Variants in SKP2 observed in about 807,000 individuals in gnomAD.
SKP2 encodes the protein S-phase kinase associated protein 2.
In SKP2, 16 loss-of-function variants were observed where a neutral mutation model predicts 51.8. The ratio of observed to expected loss-of-function variants is 0.31; its 90% CI spans 0.21 to 0.47. The LOEUF (loss-of-function observed/expected upper bound fraction) is 0.47. Among genes scored for constraint, SKP2 ranks in the 20% least tolerant of loss-of-function variants. The pLI is 1.00. For synonymous variants in SKP2, 176 were observed against 198.6 expected, an observed-to-expected ratio of 0.89 and a Z score of 0.96; for missense variants, 377 against 505.3, an observed-to-expected ratio of 0.75 and a Z score of 2.43.
intron 9 of SKP2, among the ~76,000 whole-genome samples, chr5:36,178,065 C>A (rs1745691308): frequency 6.6e-6 from 1 of 152,156 alleles, no homozygotes; most frequent in Non-Finnish European, 1.5e-5. Flanking sequence ...GGAATCATAT[C>A]TTGTTTGAAA....
intron 2 of SKP2, among the ~76,000 whole-genome samples, chr5:36,161,482 A>G (rs1354398410): frequency 6.6e-6 from 1 of 152,224 alleles, no homozygotes; most frequent in East Asian, 1.9e-4. Context: ...CAGGATGTGC[A>G]AAAGCATTGA....
At chr5:36,167,830 G>A (rs1745337673) in intron 4 of SKP2, among the ~76,000 whole-genome samples, 1 of 152,122 alleles carries the variant, frequency 6.6e-6, no homozygotes, top group Non-Finnish European at 1.5e-5. Flanking sequence ...ATGCTGGCCA[G>A]GCTGGTCTTG....
Position 36,163,707 on chromosome 5 carries a change from C to T in SKP2, c.343C>T (p.Pro115Ser). 6.2e-7 allele frequency: 1 copy of T among 1,614,010 alleles called. No homozygotes were observed. The highest frequency in any genetic ancestry group is 8.5e-7 in the Non-Finnish European group (1 of 1,179,934). ...GGGAATCTTTTCCTGTCTGTGCCTC[C>T]CTGAGCTGCTAAAGGTCTCTGGTGT... ...LLGIFSCLCL[P>S]ELLKVSGVCK... Residue 115 changes from proline (P) to serine (S), a missense_variant, in exon 3 of 10, where the codon CCT becomes TCT. Physicochemically the swap from Pro to Ser is moderately conservative, Grantham distance 74. Coordinates refer to ENST00000274255, the MANE Select transcript of SKP2 (RefSeq NM_005983.4).
At chr5:36,161,386 C>T (rs1437150679) in intron 2 of SKP2, among the ~76,000 whole-genome samples, 1 of 151,422 alleles carries the variant, frequency 6.6e-6, no homozygotes, top group African/African-American at 2.4e-5. Context: ...ACATAAGTGG[C>T]CTGTCCTTGT....
intron 9 of SKP2, 55 bp from the exon 10 acceptor site, chr5:36,181,763 G>C (rs1745818276): frequency 5.6e-6 from 9 of 1,597,868 alleles, no homozygotes; most frequent in Non-Finnish European, 7.7e-6. Flanking sequence ...TATAACTCTA[G>C]TCAAACAGTT....
In SKP2 at chr5:36,183,977, ATTTCT is replaced by A; in HGVS notation, c.*1947_*1951del. 6.2e-7 allele frequency: 1 copy of A among 1,604,324 alleles called. No homozygotes were observed. The highest frequency in any genetic ancestry group is 8.5e-7 in the Non-Finnish European group (1 of 1,174,646). On this transcript the variant is annotated 3_prime_UTR_variant, in exon 10 of 10. Coordinates refer to ENST00000274255, the MANE Select transcript of SKP2 (RefSeq NM_005983.4). ...AGAGTAATCTGTATTTTTGTATGTGATTTCTACTTTTATAGACTTGTTTTAAAACA... is the reference window on the plus strand; with the variant it reads ...AGAGTAATCTGTATTTTTGTATGTGAACTTTTATAGACTTGTTTTAAAACA...
At chr5:36,175,142 A>G (rs1745592076) in intron 7 of SKP2, among the ~76,000 whole-genome samples, 2 of 152,266 alleles carry the variant, frequency 1.3e-5, no homozygotes, top group South Asian at 2.1e-4. Context: ...AGAAATGATC[A>G]GATTTGGGCA....
At chr5:36,181,770 A>G in intron 9 of SKP2, 48 bp from the exon 10 acceptor site, 2 of 1,600,872 alleles carry the variant, frequency 1.2e-6, no homozygotes, top group African/African-American at 1.3e-5. Context: ...CTAGTCAAAC[A>G]GTTTCCATAG....
Position 36,174,485 on chromosome 5 carries a change from A to G in SKP2, c.902-2480A>G, listed in dbSNP as rs190262778. On this transcript the variant is annotated intron_variant, in intron 7 of 9. Transcript: ENST00000274255. The stretch of plus-strand genomic sequence containing the variant: ...CTGGCTAGATGATTGGTCCCTCAAA[A>G]TTTTATTGTGTACTTTTTTCATTTT... 2.7e-4 allele frequency among the ~76,000 whole-genome samples: 41 copies of G among 152,144 alleles called. 1 individual carries two copies. Among genetic ancestry groups the G allele is most frequent in the Admixed American group, 2.4e-3 (37 of 15,290 alleles).
chr5:36,190,036 C>T (rs183550208), intron 6 of SKP2, among the ~76,000 whole-genome samples: 2 of 152,326 alleles, frequency 1.3e-5, no homozygotes, highest in East Asian at 1.9e-4. Flanking sequence ...GGGATATAAT[C>T]TCCTGGTGTG....
intron 9 of SKP2, among the ~76,000 whole-genome samples, chr5:36,181,147 A>G (rs921970762): frequency 6.6e-6 from 1 of 152,046 alleles, no homozygotes; most frequent in African/African-American, 2.4e-5. Flanking sequence ...ATCTATGCAG[A>G]AAAAAAATGG....
intron 4 of SKP2, among the ~76,000 whole-genome samples, chr5:36,167,591 G>A (rs1236264123): frequency 6.7e-6 from 1 of 149,518 alleles, no homozygotes; most frequent in Non-Finnish European, 1.5e-5. Context: ...TTCAATATTA[G>A]CATAACTCAA....
chr5:36,166,433 A>T, intron 3 of SKP2, 86 bp from the exon 4 acceptor site: 1 of 1,098,832 alleles, frequency 9.1e-7, no homozygotes, highest in Non-Finnish European at 1.4e-6. Flanking sequence ...ATTTAGCAGC[A>T]GTGTCCTACC....
At chr5:36,171,500 G>T (rs929049027) in intron 6 of SKP2, 103 bp from the exon 7 acceptor site, 4 of 1,060,252 alleles carry the variant, frequency 3.8e-6, no homozygotes, top group Non-Finnish European at 4.3e-6. Flanking sequence ...TGCATGAAAT[G>T]ATAAGGAATC....
chr5:36,163,566 C>T (rs1032780306), intron 2 of SKP2, 79 bp from the exon 3 acceptor site: 1 of 826,748 alleles, frequency 1.2e-6, no homozygotes, highest in Non-Finnish European at 2.1e-6. Flanking sequence ...GTTGTATATT[C>T]TTTATGTGTT....
downstream of SKP2, among the ~76,000 whole-genome samples, chr5:36,187,838 T>G (rs2112024461): frequency 6.6e-6 from 1 of 152,304 alleles, no homozygotes; most frequent in South Asian, 2.1e-4. Flanking sequence ...AGTGGGGTGT[T>G]AAAGTCTCCC....
In SKP2 at chr5:36,182,200, A is replaced by G. The variant is rs1176981925; in HGVS notation, c.*169A>G. ...AAAACTATGAAATCTTGCTTTTTGA[A>G]ATGATTCTAAAAGCTTCTATCACTG... On this transcript the variant is annotated 3_prime_UTR_variant, in exon 10 of 10. Transcript: ENST00000274255. 2 of 1,413,862 alleles carry G rather than the reference A, an allele frequency of 1.4e-6. No individual in the cohort carries two copies. Among genetic ancestry groups the G allele is most frequent in the Non-Finnish European group, 1.8e-6 (2 of 1,088,262 alleles). The allele number at this position is 1,413,862 out of a possible 1,614,324, so 87.6% of individuals were successfully genotyped here. A position where few individuals can be genotyped will look rare whatever the true frequency, so the allele number is the denominator to read the frequency against.
chr5:36,193,484 A>G (rs1429938708), intron 7 of SKP2: 2 of 151,516 alleles, frequency 1.3e-5, no homozygotes, highest in Non-Finnish European at 2.9e-5. Context: ...CAAAAAAAAA[A>G]AAAAAAAAAA....
intron 2 of SKP2, among the ~76,000 whole-genome samples, chr5:36,159,258 C>G (rs1327021186): frequency 6.6e-6 from 1 of 152,206 alleles, no homozygotes; most frequent in African/African-American, 2.4e-5. Context: ...GTTAGGTCTA[C>G]TGACCTCTGC....
Sources: allele counts gnomAD v4.1 joint callset (sites outside exome capture counted in the v4.1 genomes callset), GRCh38; gene constraint gnomAD v4.1.1; transcripts MANE v1.5; gene names NCBI Gene and HGNC (gene_info 2026-07-23, HGNC 2026-07-21).